Variants in DNMBP observed in about 807,000 individuals in gnomAD.
The protein encoded by DNMBP is dynamin-binding protein.
Under a neutral mutation model 150.0 loss-of-function variants are expected in DNMBP, and 87 were observed. The observed-to-expected ratio is 0.58, with a 90% CI of 0.49 to 0.69. The LOEUF (loss-of-function observed/expected upper bound fraction) is 0.69, where lower values mean the gene tolerates loss of function less well. Ranked by LOEUF, DNMBP falls within the 30% of genes least tolerant of loss-of-function variation. DNMBP has a pLI of 0.00. For synonymous variants in DNMBP, 711 were observed against 750.4 expected, an observed-to-expected ratio of 0.95 and a Z score of 0.86; for missense variants, 1,774 against 1,949.0, an observed-to-expected ratio of 0.91 and a Z score of 1.69.
Position 99,972,134 on chromosome 10 carries a change from C to A in DNMBP, c.-10G>T. ...CTGAGCCAGCCTCCATGTTTTATAA[C>A]CTGGAAAGATAGATCAAGAGAAATA... On this transcript the variant is annotated splice_region_variant and 5_prime_UTR_variant, in exon 2 of 17. Transcript: ENST00000324109. 2 of 1,608,922 alleles carry A rather than the reference C, an allele frequency of 1.2e-6. No homozygotes were observed. Among genetic ancestry groups the A allele is most frequent in the South Asian group, 2.2e-5 (2 of 90,220 alleles).
intron 1 of DNMBP, among the ~76,000 whole-genome samples, chr10:99,992,297 C>A (rs1363636390): frequency 6.6e-6 from 1 of 151,998 alleles, no homozygotes; most frequent in East Asian, 1.9e-4. Flanking sequence ...AGCCAGACTA[C>A]CTAGATCTAT....
At chr10:99,924,698 C>A (rs2040059081) in intron 4 of DNMBP, among the ~76,000 whole-genome samples, 1 of 152,122 alleles carries the variant, frequency 6.6e-6, no homozygotes, top group Non-Finnish European at 1.5e-5. Context: ...GATATGGGAT[C>A]TATGTGCTGG....
rs1003466644 is a variant in DNMBP, at chr10:99,900,174, C to A, written c.2555-108G>T. ...AGTACCAGCTAAATCCTACCTATTA[C>A]AAGAAATGATACTAAGACTATCCAT... On this transcript the variant is annotated intron_variant, in intron 6 of 16. Transcript: ENST00000324109. 3.7e-5 allele frequency: 39 copies of A among 1,068,296 alleles called. 1 individual carries two copies. In the Middle Eastern group the frequency reaches 6.2e-4, roughly 17 times the overall value. The allele number at this position is 1,068,296 out of a possible 1,614,324, so 66.2% of individuals were successfully genotyped here.
chr10:99,886,266 G>T, intron 13 of DNMBP, 34 bp downstream of exon 13: 1 of 1,555,324 alleles, frequency 6.4e-7, no homozygotes, highest in Non-Finnish European at 8.8e-7. Flanking sequence ...AAAGGCTATA[G>T]ATGACCATCC....
chr10:99,992,725 A>G (rs1483400363), intron 1 of DNMBP, among the ~76,000 whole-genome samples: 2 of 151,970 alleles, frequency 1.3e-5, no homozygotes, highest in African/African-American at 2.4e-5. Context: ...ATGGGGTTTC[A>G]CCGTGTTAGC....
At chr10:99,960,418 G>T (rs1195725570) in intron 3 of DNMBP, among the ~76,000 whole-genome samples, 1 of 152,144 alleles carries the variant, frequency 6.6e-6, no homozygotes, top group Admixed American at 6.6e-5. Flanking sequence ...GGGTAGCAAA[G>T]CACCTGGCAA....
At position 99,884,119 on chromosome 10, in the gene DNMBP, T is replaced by C; in HGVS notation, c.3889A>G (p.Asn1297Asp). The change falls in exon 15 of 17, where the codon AAT (asparagine) becomes GAT (aspartate). Residue 1297 changes from asparagine (N) to aspartate (D), a missense_variant. By Grantham distance (23) the Asn-to-Asp change is conservative. Transcript: ENST00000324109. Reference protein sequence around the residue: ...EKLFQAERNFNAAQDLDVSLL... With the variant: ...EKLFQAERNFDAAQDLDVSLL... ...GAGACATCCAAGTCTTGAGCAGCAT[T>C]GAAGTTCCGTTCTGCCTGGAAGAGT... 6.2e-7 allele frequency: 1 copy of C among 1,614,156 alleles called. No homozygotes were observed. Among genetic ancestry groups the C allele is most frequent in the Non-Finnish European group, 8.5e-7 (1 of 1,180,014 alleles).
At chr10:99,951,398 A>G (rs2133321984) in intron 4 of DNMBP, among the ~76,000 whole-genome samples, 1 of 152,234 alleles carries the variant, frequency 6.6e-6, no homozygotes, top group East Asian at 1.9e-4. Context: ...AGAGGGCCAA[A>G]ATCTTCCAGA....
At chr10:100,006,870 T>C (rs1432792197) in intron 1 of DNMBP, among the ~76,000 whole-genome samples, 1 of 152,118 alleles carries the variant, frequency 6.6e-6, no homozygotes, top group Non-Finnish European at 1.5e-5. Flanking sequence ...TCCCAGCACT[T>C]TGGGAGGCCA....
chr10:99,955,767 C>G lies in DNMBP; in HGVS notation c.1707G>C (p.Glu569Asp), dbSNP rs1181651477. The change falls in exon 4 of 17, where the codon GAG (glutamate) becomes GAC (aspartate). Residue 569 changes from glutamate to aspartate, a missense_variant. Glu to Asp is a conservative substitution (Grantham distance 45, BLOSUM62 2). This residue lies in a region of DNMBP where 1,430 missense variants were observed against 1,492.5 expected (regional missense o/e 0.96). Coordinates refer to ENST00000324109, the MANE Select transcript of DNMBP (RefSeq NM_015221.4). ...AAAAGTGGCGTAAAATTTTATCTGG[C>G]TCTGTGCCGGGCCCTGCCAAGCTCT... ...FEKSLAGPGT[E>D]PDKILRHFSI... 1 of 1,614,212 alleles carries G rather than the reference C, an allele frequency of 6.2e-7. No individual in the cohort carries two copies. The highest frequency in any genetic ancestry group is 8.5e-7 in the Non-Finnish European group (1 of 1,180,046).
intron 11 of DNMBP, among the ~76,000 whole-genome samples, chr10:99,893,991 C>A (rs2039615390): frequency 6.6e-6 from 1 of 152,002 alleles, no homozygotes; most frequent in Non-Finnish European, 1.5e-5. Flanking sequence ...AGTTAAGGAT[C>A]CCTTTTAAGG....
chr10:99,937,857 T>C (rs966351955), intron 4 of DNMBP, among the ~76,000 whole-genome samples: 19 of 152,176 alleles, frequency 1.2e-4, no homozygotes, highest in African/African-American at 4.1e-4. Flanking sequence ...GTCAACATTA[T>C]TCGGGAGGAC....
At chr10:99,973,918 T>G (rs962795514) in intron 1 of DNMBP, among the ~76,000 whole-genome samples, 2 of 151,898 alleles carry the variant, frequency 1.3e-5, no homozygotes, top group Non-Finnish European at 2.9e-5. Context: ...GAGGCCGAGG[T>G]TGCAGTGAGC....
At chr10:99,901,939 G>A (rs1377238708) in intron 6 of DNMBP, among the ~76,000 whole-genome samples, 1 of 151,690 alleles carries the variant, frequency 6.6e-6, no homozygotes, top group South Asian at 2.1e-4. Flanking sequence ...GGTCTCCTGC[G>A]TTGCCCAGGC....
At chr10:99,955,018 A>G (rs2040467609) in intron 4 of DNMBP, among the ~76,000 whole-genome samples, 196 bp downstream of exon 4, 1 of 150,702 alleles carries the variant, frequency 6.6e-6, no homozygotes, top group South Asian at 2.1e-4. Flanking sequence ...ATGCCACTGC[A>G]CTCCAGCCTG....
At chr10:99,955,135 C>A in intron 4 of DNMBP, 79 bp downstream of exon 4, 1 of 1,226,782 alleles carries the variant, frequency 8.2e-7, no homozygotes, top group Non-Finnish European at 1.2e-6. Context: ...GGTAACATAT[C>A]CCTAAAAAGC....
At chr10:99,998,579 C>CAA (rs71009799) in intron 1 of DNMBP, among the ~76,000 whole-genome samples, 7,962 of 92,784 alleles carry the variant, frequency 0.086, 528 homozygotes, top group African/African-American at 0.17. Flanking sequence ...GACTCCGTCT[C>CAA]AAAAAAAAAA....
chr10:99,972,900 G>T (rs1259651771), intron 1 of DNMBP, among the ~76,000 whole-genome samples: 4 of 152,166 alleles, frequency 2.6e-5, no homozygotes, highest in Non-Finnish European at 5.9e-5. Context: ...TCAAGGCTCA[G>T]CCTCCCAAGT....
intron 3 of DNMBP, among the ~76,000 whole-genome samples, chr10:99,960,342 T>C (rs2490840): frequency 2.6e-5 from 4 of 152,156 alleles, no homozygotes. Flanking sequence ...TTAAAATTTC[T>C]TTCTCACTCA....
Sources: allele counts gnomAD v4.1 joint callset (sites outside exome capture counted in the v4.1 genomes callset), GRCh38; gene constraint gnomAD v4.1.1; regional missense constraint gnomAD v4.1.1; transcripts MANE v1.5; gene names NCBI Gene and HGNC (gene_info 2026-07-23, HGNC 2026-07-21).